The following PCOLCE2 variants were observed in gnomAD, a reference collection of about 807,000 sequenced individuals.
PCOLCE2 encodes procollagen C-proteinase enhancer 2.
Under a neutral mutation model 47.0 loss-of-function variants are expected in PCOLCE2, and 42 were observed. The ratio of observed to expected loss-of-function variants is 0.89; its 90% CI spans 0.70 to 1.16. The LOEUF (loss-of-function observed/expected upper bound fraction) is 1.16, where lower values mean the gene tolerates loss of function less well. PCOLCE2 is among the 50% of genes most tolerant of loss of function. The pLI, the probability that PCOLCE2 is intolerant of heterozygous loss-of-function variation, is 0.00. For synonymous variants in PCOLCE2, 169 were observed against 191.7 expected (o/e 0.88, Z 0.98); for missense variants, 500 against 526.1 (o/e 0.95, Z 0.49).
At chr3:142,863,710 C>A (rs958197745) in intron 2 of PCOLCE2, among the ~76,000 whole-genome samples, 2 of 152,206 alleles carry the variant, frequency 1.3e-5, no homozygotes, top group African/African-American at 4.8e-5. Context: ...GAGGCACTTT[C>A]ATTATTTCCA....
At chr3:142,854,469 C>A (rs1049782196) in intron 2 of PCOLCE2, among the ~76,000 whole-genome samples, 1 of 152,172 alleles carries the variant, frequency 6.6e-6, no homozygotes, top group Non-Finnish European at 1.5e-5. Context: ...CAGAAGCTTA[C>A]AAGATCTTAT....
At chr3:142,823,137 G>A (rs1221298454) in intron 7 of PCOLCE2, among the ~76,000 whole-genome samples, 22 of 152,174 alleles carry the variant, frequency 1.4e-4, no homozygotes, top group Non-Finnish European at 2.2e-4. Context: ...TTCTGAGAGA[G>A]ACCAGCTTCT....
At chr3:142,872,198 G>C (rs1036348562) in intron 2 of PCOLCE2, among the ~76,000 whole-genome samples, 1 of 152,190 alleles carries the variant, frequency 6.6e-6, no homozygotes, top group African/African-American at 2.4e-5. Flanking sequence ...TTGGGGACTA[G>C]AAGCAGTGAC....
At position 142,842,964 on chromosome 3, in the gene PCOLCE2, C is replaced by G; in HGVS notation, c.533G>C (p.Gly178Ala). The G allele has an allele frequency of 6.2e-7, 1 of 1,614,064 alleles. No individual in the cohort carries two copies. The highest frequency in any genetic ancestry group is 1.3e-5 in the African/African-American group (1 of 75,028). The change falls in exon 4 of 9, where the codon GGA (glycine) becomes GCA (alanine). Residue 178 changes from glycine (G) to alanine (A), a missense_variant. Physicochemically the swap from Gly to Ala is moderately conservative, Grantham distance 60. Transcript: ENST00000295992. The surrounding 1 kb of genome is among the most constrained non-coding windows in gnomAD (Gnocchi z 4.1). ...PNWPDRDYPAGVTCVWHIVAP... is the reference protein window; with the variant it reads ...PNWPDRDYPAAVTCVWHIVAP... ...TACAATGTGCCACACACAAGTGACT[C>G]CTGCAGGGTAATCCCGGTCTGGCCA...
At chr3:142,863,601 C>T (rs920950966) in intron 2 of PCOLCE2, among the ~76,000 whole-genome samples, 1 of 152,068 alleles carries the variant, frequency 6.6e-6, no homozygotes, top group Middle Eastern at 3.2e-3. Context: ...CCTCAAATAG[C>T]GCGTAAGAGA....
At chr3:142,874,373 C>T (rs558165753) in intron 2 of PCOLCE2, among the ~76,000 whole-genome samples, 5 of 152,232 alleles carry the variant, frequency 3.3e-5, no homozygotes, top group Non-Finnish European at 7.4e-5. Flanking sequence ...CGCACCTGGC[C>T]GAGCTGATGG....
At chr3:142,862,110 T>C (rs1933192019) in intron 2 of PCOLCE2, among the ~76,000 whole-genome samples, 1 of 152,140 alleles carries the variant, frequency 6.6e-6, no homozygotes. Context: ...GCATACTCCC[T>C]GCCAGGCTGG....
intron 2 of PCOLCE2, among the ~76,000 whole-genome samples, chr3:142,849,051 G>T (rs1199079836): frequency 6.6e-6 from 1 of 152,058 alleles, no homozygotes; most frequent in Non-Finnish European, 1.5e-5. Flanking sequence ...TACTCGGGAG[G>T]CTGAGGCAGG....
At chr3:142,850,537 G>A (rs1002111752) in intron 2 of PCOLCE2, among the ~76,000 whole-genome samples, 26 of 152,188 alleles carry the variant, frequency 1.7e-4, no homozygotes, top group African/African-American at 6.0e-4. Context: ...AGTGTGTGGC[G>A]TCTGGAAGCC....
intron 4 of PCOLCE2, among the ~76,000 whole-genome samples, chr3:142,839,675 G>A (rs1174752002): frequency 6.6e-6 from 1 of 152,164 alleles, no homozygotes; most frequent in Non-Finnish European, 1.5e-5. Flanking sequence ...ACTATGTGAG[G>A]TGGATATGTT....
At position 142,880,741 on chromosome 3, in the gene PCOLCE2, T is replaced by C. The variant is rs529831400; in HGVS notation, c.192+6928A>G. 2.6e-5 allele frequency among the ~76,000 whole-genome samples: 4 copies of C among 152,350 alleles called. No homozygotes were observed. In the East Asian group the frequency reaches 7.7e-4, roughly 29 times the overall value. Reference sequence around the variant, plus strand: ...AGTTATAAAATTGCCCTCAAGGCAATGTTACAGGAATGGCTTCACGTAATT... The same window carrying C: ...AGTTATAAAATTGCCCTCAAGGCAACGTTACAGGAATGGCTTCACGTAATT... On this transcript the variant is annotated intron_variant, in intron 2 of 8. Transcript: ENST00000295992.
chr3:142,857,537 A>C (rs185776895), intron 2 of PCOLCE2, among the ~76,000 whole-genome samples: 1 of 152,238 alleles, frequency 6.6e-6, no homozygotes, highest in African/African-American at 2.4e-5. Context: ...TAATATTTCT[A>C]AAGTCCTTAA....
chr3:142,854,532 T>C (rs540166425), intron 2 of PCOLCE2, among the ~76,000 whole-genome samples: 3 of 152,366 alleles, frequency 2.0e-5, no homozygotes, highest in Admixed American at 1.3e-4. Flanking sequence ...GTAAATCTTA[T>C]ACATGTTTAA....
intron 5 of PCOLCE2, among the ~76,000 whole-genome samples, chr3:142,831,441 C>T (rs569638631): frequency 7.0e-4 from 106 of 152,240 alleles, no homozygotes; most frequent in Non-Finnish European, 1.4e-3. Context: ...TTTCAGCCTC[C>T]GTAACTATAA....
intron 8 of PCOLCE2, among the ~76,000 whole-genome samples, chr3:142,820,069 T>C (rs1466499052): frequency 3.9e-5 from 6 of 152,064 alleles, no homozygotes; most frequent in African/African-American, 7.3e-5. Context: ...TATATGCCCA[T>C]GCTTTATGTG....
intron 1 of PCOLCE2, 166 bp downstream of exon 1, chr3:142,888,648 G>A (rs938544528): frequency 1.6e-4 from 74 of 449,058 alleles, no homozygotes; most frequent in Non-Finnish European, 2.7e-4. Context: ...GAAGTCCCGG[G>A]CTTAGCCTAC....
chr3:142,857,436 C>T (rs1933084372), intron 2 of PCOLCE2, among the ~76,000 whole-genome samples: 1 of 152,166 alleles, frequency 6.6e-6, no homozygotes, highest in Non-Finnish European at 1.5e-5. Context: ...ATGCATGATA[C>T]ACTTCTAGAC....
rs188869545 is a variant in PCOLCE2 at position 142,858,316 on chromosome 3, G to T, written c.193-9844C>A. ...TAATTGAACCCACATGCACCTGGCA[G>T]CCAGGCATCCAAAAAGCACAATGCA... On this transcript the variant is annotated intron_variant, in intron 2 of 8. Transcript: ENST00000295992. Among the ~76,000 whole-genome samples the T allele has an allele frequency of 9.2e-5, 14 of 152,302 alleles. No homozygotes were observed. In the East Asian group the frequency reaches 2.5e-3, roughly 27 times the overall value.
chr3:142,846,230 G>C (rs142301568), intron 3 of PCOLCE2, among the ~76,000 whole-genome samples: 1 of 151,868 alleles, frequency 6.6e-6, no homozygotes, highest in Admixed American at 6.6e-5. Flanking sequence ...ATGGAATCTC[G>C]CTCTGTTGCC....
Sources: allele counts gnomAD v4.1 joint callset (sites outside exome capture counted in the v4.1 genomes callset), GRCh38; gene constraint gnomAD v4.1.1; non-coding constraint Gnocchi (gnomAD v3.1); transcripts MANE v1.5; gene names NCBI Gene and HGNC (gene_info 2026-07-23, HGNC 2026-07-21).